Variants in RFX3 observed in about 807,000 individuals in gnomAD.
RFX3 encodes the protein transcription factor RFX3.
A neutral mutation model predicts 98.6 loss-of-function variants in RFX3; 14 were observed. That is an observed-to-expected ratio of 0.14 (90% CI 0.09 to 0.22). The LOEUF (loss-of-function observed/expected upper bound fraction) is 0.22. Ranked by LOEUF, RFX3 falls within the 10% of genes least tolerant of loss-of-function variation. The pLI is 1.00. For synonymous variants in RFX3, 383 were observed against 328.4 expected (o/e 1.17, Z -1.80); for missense variants, 639 against 926.9 (o/e 0.69, Z 4.03).
chr9:3,291,717 T>C (rs1827380228), intron 6 of RFX3, among the ~76,000 whole-genome samples: 1 of 152,170 alleles, frequency 6.6e-6, no homozygotes, highest in Admixed American at 6.5e-5. Context: ...GATCAATCTT[T>C]TCTTCCTACA....
intron 5 of RFX3, among the ~76,000 whole-genome samples, chr9:3,297,851 T>A (rs914592459): frequency 1.3e-5 from 2 of 151,920 alleles, no homozygotes; most frequent in African/African-American, 4.8e-5. Context: ...CAACCTTAAA[T>A]TTCATGCGAT....
chr9:3,218,561 G>A lies in RFX3; in HGVS notation c.*6481C>T, dbSNP rs1405716324. 1 of 151,966 alleles carries A rather than the reference G, an allele frequency of 6.6e-6. No individual in the cohort carries two copies. Among genetic ancestry groups the A allele is most frequent in the Non-Finnish European group, 1.5e-5 (1 of 67,994 alleles). 9.4% of individuals were successfully genotyped at this position (151,966 alleles called of 1,614,324 possible). The stretch of plus-strand genomic sequence containing the variant: ...TATTTAGCTCCTGCCAATTTTGAGA[G>A]GACATGATATACTAAAAGATTTAGC... On this transcript the variant is annotated 3_prime_UTR_variant, in exon 17 of 17. Transcript: ENST00000617270.
intron 2 of RFX3, among the ~76,000 whole-genome samples, chr9:3,368,787 A>G (rs1444397129): frequency 6.6e-6 from 1 of 151,634 alleles, no homozygotes; most frequent in East Asian, 1.9e-4. Context: ...ACTGTAGTTT[A>G]TAATGTGAAC....
At chr9:3,277,235 A>T in intron 8 of RFX3, 105 bp downstream of exon 8, 1 of 1,243,228 alleles carries the variant, frequency 8.0e-7, no homozygotes, top group Non-Finnish European at 1.1e-6. Flanking sequence ...GCACCAAAAA[A>T]AATCTTTCTA....
Position 3,249,126 on chromosome 9 carries a change from T to C in RFX3, c.1815-941A>G, listed in dbSNP as rs560540738. Among the ~76,000 whole-genome samples the C allele has an allele frequency of 5.9e-5, 9 of 152,268 alleles. No individual in the cohort carries two copies. The East Asian group carries it at 9.6e-4, about 16-fold the overall frequency. ...TGGCAGATGAACACTAAAACAACCA[T>C]TGTATTCTCAGGAGAAAGAGGTAAA... is the stretch of plus-strand genomic sequence containing the variant. On this transcript the variant is annotated intron_variant, in intron 14 of 16. Transcript: ENST00000617270.
chr9:3,326,763 T>G (rs1373432776), intron 4 of RFX3, among the ~76,000 whole-genome samples: 1 of 152,156 alleles, frequency 6.6e-6, no homozygotes. Flanking sequence ...AGGCAACTAT[T>G]CTAAGGACTG....
rs548418899 is a variant in RFX3, at chr9:3,313,131, C to G, written c.475-11511G>C. ...ACACTTCCCAGTAGGGGCCGACTGA[C>G]ACCTCATACAGCCAGGTGCTCCTCT... On this transcript the variant is annotated intron_variant, in intron 4 of 16. Coordinates refer to ENST00000617270, the MANE Select transcript of RFX3 (RefSeq NM_001282116.2). Among the ~76,000 whole-genome samples the G allele has an allele frequency of 2.0e-5, 3 of 152,306 alleles. No homozygotes were observed. The South Asian group carries it at 6.2e-4, about 32-fold the overall frequency.
At chr9:3,226,062 T>G (rs144318237) in intron 16 of RFX3, among the ~76,000 whole-genome samples, 56 of 152,294 alleles carry the variant, frequency 3.7e-4, no homozygotes, top group African/African-American at 1.3e-3. Context: ...TATGCACTGT[T>G]AAAATTCAAA....
chr9:3,340,769 G>C (rs1258516677), intron 3 of RFX3, among the ~76,000 whole-genome samples: 1 of 152,188 alleles, frequency 6.6e-6, no homozygotes, highest in Non-Finnish European at 1.5e-5. Context: ...TGCTGGAGAG[G>C]ATGTGGAGAA....
chr9:3,504,223 T>C (rs570055840), intron 1 of RFX3, among the ~76,000 whole-genome samples: 3 of 134,002 alleles, frequency 2.2e-5, no homozygotes, highest in Admixed American at 1.7e-4. Flanking sequence ...ATATACTATA[T>C]TATATACTAT....
chr9:3,350,820 C>G (rs1036627857), intron 2 of RFX3, among the ~76,000 whole-genome samples: 1 of 151,764 alleles, frequency 6.6e-6, no homozygotes, highest in African/African-American at 2.4e-5. Flanking sequence ...ATGCGTATGA[C>G]CAAGTGAAAG....
chr9:3,412,851 T>C (rs751813222), intron 1 of RFX3, among the ~76,000 whole-genome samples: 9 of 152,142 alleles, frequency 5.9e-5, no homozygotes, highest in Non-Finnish European at 1.3e-4. Flanking sequence ...TTCTTCCAAA[T>C]TGAATATTAA....
At chr9:3,429,299 G>T (rs1300025262) in intron 1 of RFX3, among the ~76,000 whole-genome samples, 1 of 151,006 alleles carries the variant, frequency 6.6e-6, no homozygotes, top group Non-Finnish European at 1.5e-5. Flanking sequence ...TGGGATTACA[G>T]GCGTGAGCCA....
intron 6 of RFX3, among the ~76,000 whole-genome samples, chr9:3,291,972 AT>A (rs1827417494): frequency 6.8e-6 from 1 of 146,002 alleles, no homozygotes; most frequent in African/African-American, 2.5e-5. Flanking sequence ...CAGGAGAATC[AT>A]TTGAACCTGC....
chr9:3,391,631 C>A (rs1182647998), intron 2 of RFX3, among the ~76,000 whole-genome samples: 1 of 152,082 alleles, frequency 6.6e-6, no homozygotes, highest in Non-Finnish European at 1.5e-5. Flanking sequence ...CAGGTGTACA[C>A]AAGATTATTT....
chr9:3,327,859 A>C (rs1227879646), intron 4 of RFX3, among the ~76,000 whole-genome samples: 1 of 151,546 alleles, frequency 6.6e-6, no homozygotes, highest in Admixed American at 6.6e-5. Flanking sequence ...TTTCATACAT[A>C]CATACCTACA....
chr9:3,238,640 A>C (rs191713901), intron 15 of RFX3, among the ~76,000 whole-genome samples: 2 of 152,306 alleles, frequency 1.3e-5, no homozygotes, highest in Non-Finnish European at 2.9e-5. Context: ...TCTTTTCAGC[A>C]TTCCATACTT....
At chr9:3,521,444 TAAATA>T (rs1818701833) in intron 1 of RFX3, among the ~76,000 whole-genome samples, 1 of 152,160 alleles carries the variant, frequency 6.6e-6, no homozygotes, top group South Asian at 2.1e-4. Context: ...TTTTTTTCTT[TAAATA>T]AAAGTTCTAG....
intron 4 of RFX3, among the ~76,000 whole-genome samples, chr9:3,325,375 C>G (rs1434462879): frequency 6.6e-6 from 1 of 151,986 alleles, no homozygotes. Flanking sequence ...GATGGACTTT[C>G]AAATTTTCCT....
Sources: gnomAD v4.1 joint callset for allele counts (sites outside exome capture counted in the v4.1 genomes callset) on GRCh38, gnomAD v4.1.1 for gene constraint, MANE v1.5 for transcripts, NCBI Gene and HGNC (gene_info 2026-07-23, HGNC 2026-07-21) for gene names.